Variants in PPHLN1 observed in about 807,000 individuals in gnomAD.
PPHLN1 encodes periphilin 1, also known as periphilin-1.
A neutral mutation model predicts 51.3 loss-of-function variants in PPHLN1; 29 were observed. That is an observed-to-expected ratio of 0.57 (90% CI 0.42 to 0.77). The LOEUF (loss-of-function observed/expected upper bound fraction) is 0.77, where lower values mean the gene tolerates loss of function less well. PPHLN1 is among the 30% of genes least tolerant of loss of function. The pLI, the probability that PPHLN1 is intolerant of heterozygous loss-of-function variation, is 0.00. For missense variants in PPHLN1, 436 were observed against 438.4 expected, an observed-to-expected ratio of 0.99 and a Z score of 0.05; for synonymous variants, 147 against 147.8, an observed-to-expected ratio of 0.99 and a Z score of 0.04.
intron 6 of PPHLN1, among the ~76,000 whole-genome samples, chr12:42,385,416 C>G (rs1329772922): frequency 6.6e-6 from 1 of 152,172 alleles, no homozygotes; most frequent in African/African-American, 2.4e-5. Context: ...CCTGCACCAC[C>G]CTTCAGTGTT....
At chr12:42,446,964 A>C, downstream of PPHLN1, 2 of 238,586 alleles carry the variant, frequency 8.4e-6, no homozygotes, top group Non-Finnish European at 8.1e-6. Context: ...TTACTCACAA[A>C]TTGTGTTGGC....
At chr12:42,432,977 T>G in intron 9 of PPHLN1, 1 of 1,458,546 alleles carries the variant, frequency 6.9e-7, no homozygotes, top group Middle Eastern at 1.7e-4. Context: ...TCCTACTGCT[T>G]TCTTAAAATC....
At chr12:42,432,008 G>A (rs1592985776) in intron 9 of PPHLN1, 9 of 1,496,548 alleles carry the variant, frequency 6.0e-6, no homozygotes, top group Non-Finnish European at 8.4e-6. Flanking sequence ...CAAGTACGCT[G>A]TATGGATTGC....
At chr12:42,432,789 G>A (rs1266990514) in intron 9 of PPHLN1, among the ~76,000 whole-genome samples, 2 of 152,200 alleles carry the variant, frequency 1.3e-5, no homozygotes, top group Non-Finnish European at 2.9e-5. Flanking sequence ...GCTGCTGCAA[G>A]TTGTTTTGTG....
chr12:42,432,118 A>T (rs1222557887), intron 9 of PPHLN1: 1 of 1,403,440 alleles, frequency 7.1e-7, no homozygotes, highest in East Asian at 2.3e-5. Flanking sequence ...CCTCCTGGGC[A>T]TCTCCTGCTG....
At chr12:42,420,171 C>T (rs952953178) in intron 9 of PPHLN1, among the ~76,000 whole-genome samples, 1 of 152,080 alleles carries the variant, frequency 6.6e-6, no homozygotes, top group Admixed American at 6.5e-5. Context: ...TCCTGTCACA[C>T]CTACACAATG....
chr12:42,343,237 A>G (rs1017038916), intron 2 of PPHLN1, among the ~76,000 whole-genome samples: 8 of 152,204 alleles, frequency 5.3e-5, no homozygotes, highest in South Asian at 2.1e-4. Context: ...CTTTTATTCA[A>G]AATCTTCACA....
intron 9 of PPHLN1, among the ~76,000 whole-genome samples, chr12:42,437,779 C>G (rs1296139971): frequency 6.6e-6 from 1 of 152,174 alleles, no homozygotes; most frequent in Non-Finnish European, 1.5e-5. Flanking sequence ...CAGTATCCTA[C>G]CATACAGTCC....
At chr12:42,442,493 C>T (rs1333715505), downstream of PPHLN1, 11 of 1,117,258 alleles carry the variant, frequency 9.8e-6, no homozygotes, top group Non-Finnish European at 1.4e-5. Context: ...AGGCCTTTGG[C>T]GTTCTGTCTG....
chr12:42,427,113 C>G (rs1473699906), intron 9 of PPHLN1, among the ~76,000 whole-genome samples: 2 of 152,014 alleles, frequency 1.3e-5, no homozygotes, highest in Non-Finnish European at 2.9e-5. Flanking sequence ...AAAATGTGAC[C>G]TTTTGTACAG....
At chr12:42,399,507 A>T in intron 9 of PPHLN1, 1 of 803,002 alleles carries the variant, frequency 1.2e-6, no homozygotes, top group Non-Finnish European at 1.5e-6. Flanking sequence ...TTTTATGAGG[A>T]TTAAATGAAG....
chr12:42,333,420 T>C (rs994657246), intron 1 of PPHLN1, among the ~76,000 whole-genome samples: 2 of 152,108 alleles, frequency 1.3e-5, no homozygotes, highest in African/African-American at 4.8e-5. Flanking sequence ...TTAATAAATA[T>C]TGCCAAATTC....
intron 4 of PPHLN1, among the ~76,000 whole-genome samples, chr12:42,362,556 T>G (rs1187232197): frequency 6.6e-6 from 1 of 152,204 alleles, no homozygotes; most frequent in Non-Finnish European, 1.5e-5. Context: ...TCACTCTAAA[T>G]TCAGGTGTTT....
intron 3 of PPHLN1, among the ~76,000 whole-genome samples, chr12:42,352,304 C>T (rs1356925344): frequency 6.6e-6 from 1 of 151,866 alleles, no homozygotes; most frequent in East Asian, 1.9e-4. Flanking sequence ...TTTTTTTATT[C>T]CCCTAAATTG....
In PPHLN1 at chr12:42,344,837, T is replaced by C. The variant is rs548941846; in HGVS notation, c.73-7048T>C. ...AGTTTTTGTGCCTCAGCCTCCCATA[T>C]AGCTGGGATTATAGATGTGTGCCAC... On this transcript the variant is annotated intron_variant, in intron 2 of 9. Transcript: ENST00000358314. Among the ~76,000 whole-genome samples the C allele has an allele frequency of 2.5e-4, 38 of 151,466 alleles. No individual in the cohort carries two copies. In the South Asian group the frequency reaches 7.4e-3, roughly 29 times the overall value.
intron 4 of PPHLN1, among the ~76,000 whole-genome samples, chr12:42,362,380 T>C (rs1168718598): frequency 6.6e-6 from 1 of 152,186 alleles, no homozygotes; most frequent in Non-Finnish European, 1.5e-5. Flanking sequence ...TTTGATGAAG[T>C]CCAATTTATC....
At chr12:42,379,447 G>T (rs548921526) in intron 5 of PPHLN1, among the ~76,000 whole-genome samples, 53 of 147,986 alleles carry the variant, frequency 3.6e-4, no homozygotes, top group Non-Finnish European at 6.9e-4. Context: ...TATTCTTCAT[G>T]TTTTTTTTTT....
Position 42,374,866 on chromosome 12 carries a change from C to A in PPHLN1, c.303C>A (p.Asp101Glu). 2.5e-6 allele frequency: 4 copies of A among 1,576,000 alleles called. No individual in the cohort carries two copies. The highest frequency in any genetic ancestry group is 1.8e-5 in the Admixed American group (1 of 57,112). The change falls in exon 5 of 10, where the codon GAC becomes GAA. Residue 101 changes from aspartate to glutamate, a missense_variant. Coordinates refer to ENST00000358314, the MANE Select transcript of PPHLN1 (RefSeq NM_201439.2). ...TATGTTTTTTTTTTTTTCAAAGGGA[C>A]ATGAGAGATGGCTTTAGAAGAAAAA... ...HSASRQPEYR[D>E]MRDGFRRKSF...
chr12:42,401,628 G>A (rs1035895859), intron 9 of PPHLN1, among the ~76,000 whole-genome samples: 2 of 152,034 alleles, frequency 1.3e-5, no homozygotes, highest in African/African-American at 2.4e-5. Context: ...CTGCAGACAC[G>A]AGGGATCTAG....
Sources: gnomAD v4.1 joint callset for allele counts (sites outside exome capture counted in the v4.1 genomes callset) on GRCh38, gnomAD v4.1.1 for gene constraint, MANE v1.5 for transcripts, NCBI Gene and HGNC (gene_info 2026-07-23, HGNC 2026-07-21) for gene names.